AXDND1: variants seen among roughly 807,000 people sequenced by gnomAD.
AXDND1 encodes axonemal dynein light chain domain containing 1.
AXDND1 carries 110 observed loss-of-function variants against 137.5 expected under a neutral mutation model. The ratio of observed to expected loss-of-function variants is 0.80; its 90% CI spans 0.69 to 0.94. The LOEUF (loss-of-function observed/expected upper bound fraction) is 0.94. Among genes scored for constraint, AXDND1 ranks in the 40% least tolerant of loss-of-function variants. The probability of loss-of-function intolerance (pLI) is 0.00; values close to 1 mark genes in which losing one functional copy is unlikely to be tolerated. For missense variants in AXDND1, 1,191 were observed against 1,169.8 expected, an observed-to-expected ratio of 1.02 and a Z score of -0.26; for synonymous variants, 414 against 399.7, an observed-to-expected ratio of 1.04 and a Z score of -0.43.
intron 11 of AXDND1, among the ~76,000 whole-genome samples, chr1:179,401,460 AATTG>A (rs1364420895): frequency 7.9e-5 from 12 of 152,276 alleles, no homozygotes; most frequent in Non-Finnish European, 1.2e-4. Context: ...CTTTCTAAAA[AATTG>A]ATTGAAGAGT....
Position 179,372,401 on chromosome 1 carries a change from C to T in AXDND1, c.374+2323C>T, listed in dbSNP as rs569534362. On this transcript the variant is annotated intron_variant, in intron 4 of 25. Transcript: ENST00000367618. ...TCCCAGAACAGGGTGACATTGACATCTTCAGATAAAAGACATGTTTATAGA... is the reference window on the plus strand; with the variant it reads ...TCCCAGAACAGGGTGACATTGACATTTTCAGATAAAAGACATGTTTATAGA... Among the ~76,000 whole-genome samples, 43 of 152,122 alleles carry T rather than the reference C, an allele frequency of 2.8e-4. 1 individual carries two copies. Among genetic ancestry groups the T allele is most frequent in the Non-Finnish European group, 1.0e-4 (7 of 68,030 alleles).
intron 17 of AXDND1, among the ~76,000 whole-genome samples, chr1:179,475,726 C>T (rs1664532515): frequency 1.3e-5 from 2 of 152,084 alleles, no homozygotes; most frequent in Non-Finnish European, 2.9e-5. Context: ...TGAGTTTAGA[C>T]TTTGGGGGAC....
chr1:179,515,538 T>C (rs977230261), intron 21 of AXDND1, among the ~76,000 whole-genome samples: 2 of 152,188 alleles, frequency 1.3e-5, no homozygotes, highest in African/African-American at 4.8e-5. Flanking sequence ...GATAACCTGA[T>C]GACAACGTGC....
intron 21 of AXDND1, among the ~76,000 whole-genome samples, chr1:179,514,257 T>C (rs1189480317): frequency 6.6e-6 from 1 of 152,164 alleles, no homozygotes; most frequent in Non-Finnish European, 1.5e-5. Context: ...CCAGAGGTTT[T>C]GATAGGTAGT....
intron 16 of AXDND1, chr1:179,452,636 C>T (rs1405346206): frequency 3.6e-5 from 5 of 137,198 alleles, no homozygotes; most frequent in Non-Finnish European, 4.5e-5. Context: ...TGCAGTGAGC[C>T]GAGATTGCGC....
At chr1:179,425,410 A>C (rs1656399027) in intron 12 of AXDND1, among the ~76,000 whole-genome samples, 1 of 152,192 alleles carries the variant, frequency 6.6e-6, no homozygotes, top group African/African-American at 2.4e-5. Flanking sequence ...CCTCTCTCAC[A>C]TGGAGTCTCC....
chr1:179,488,449 A>T (rs1208971795), intron 18 of AXDND1, among the ~76,000 whole-genome samples: 1 of 148,030 alleles, frequency 6.8e-6, no homozygotes. Flanking sequence ...TGGTTTTTAT[A>T]GAGATGGGGT....
chr1:179,411,087 A>G (rs1217282871), intron 11 of AXDND1, 59 bp from the exon 12 acceptor site: 17 of 1,332,900 alleles, frequency 1.3e-5, no homozygotes, highest in Non-Finnish European at 1.1e-5. Flanking sequence ...TTTAAAAAAT[A>G]TATGTGTCTA....
In AXDND1 at chr1:179,374,698, C is replaced by T. The variant is rs1039669183; in HGVS notation, c.375-3939C>T. ...TAGGGACATGGATGAAGCTGGAAAC[C>T]GTCATTCTGAGCAAACTATCACAAG... On this transcript the variant is annotated intron_variant, in intron 4 of 25. Coordinates refer to ENST00000367618, the MANE Select transcript of AXDND1 (RefSeq NM_144696.6). Among the ~76,000 whole-genome samples the T allele has an allele frequency of 6.6e-5, 10 of 151,950 alleles. 1 individual carries two copies. The highest frequency in any genetic ancestry group is 1.3e-4 in the Admixed American group (2 of 15,236).
Position 179,368,958 on chromosome 1 carries a change from A to C in AXDND1, c.256A>C (p.Ile86Leu). ...CPENLLPPKK[I>L]KTPKGTLPRL... Reference sequence around the variant, plus strand: ...TGAAAACTTACTACCTCCTAAGAAAATTAAAACCCCAAAGGTTTGTATGTA... The same window carrying C: ...TGAAAACTTACTACCTCCTAAGAAACTTAAAACCCCAAAGGTTTGTATGTA... Residue 86 changes from isoleucine (I) to leucine (L), a missense_variant, in exon 3 of 26, where the codon ATT (isoleucine) becomes CTT (leucine). Ile to Leu is a conservative substitution (Grantham distance 5, BLOSUM62 2). Coordinates refer to ENST00000367618, the MANE Select transcript of AXDND1 (RefSeq NM_144696.6). 2 of 1,611,884 alleles carry C rather than the reference A, an allele frequency of 1.2e-6. No individual in the cohort carries two copies. Among genetic ancestry groups the C allele is most frequent in the Non-Finnish European group, 1.7e-6 (2 of 1,178,862 alleles).
At chr1:179,371,423 C>T (rs1668024934) in intron 4 of AXDND1, among the ~76,000 whole-genome samples, 2 of 152,074 alleles carry the variant, frequency 1.3e-5, no homozygotes, top group African/African-American at 4.8e-5. Context: ...GCGAGACTCC[C>T]TCTCAAAACA....
At chr1:179,464,442 C>A (rs1407820429) in intron 16 of AXDND1, among the ~76,000 whole-genome samples, 1 of 152,062 alleles carries the variant, frequency 6.6e-6, no homozygotes, top group East Asian at 1.9e-4. Flanking sequence ...GAATATTGGC[C>A]CCCACTCTCT....
At chr1:179,373,162 G>T (rs1031789697) in intron 4 of AXDND1, among the ~76,000 whole-genome samples, 1 of 152,014 alleles carries the variant, frequency 6.6e-6, no homozygotes, top group Admixed American at 6.6e-5. Context: ...ACAATACCCA[G>T]TACTTTAATA....
chr1:179,469,525 A>G (rs530353614), intron 17 of AXDND1, among the ~76,000 whole-genome samples: 2 of 152,238 alleles, frequency 1.3e-5, no homozygotes, highest in East Asian at 1.9e-4. Flanking sequence ...CTTTGGGTAT[A>G]TATCACCTAA....
At chr1:179,502,022 A>C (rs960029318) in intron 20 of AXDND1, among the ~76,000 whole-genome samples, 1 of 152,208 alleles carries the variant, frequency 6.6e-6, no homozygotes, top group Admixed American at 6.5e-5. Context: ...ACAATCCACA[A>C]AATGGGAGAC....
chr1:179,531,062 TG>T (rs983705682), intron 23 of AXDND1, among the ~76,000 whole-genome samples: 1 of 152,094 alleles, frequency 6.6e-6, no homozygotes, highest in African/African-American at 2.4e-5. Flanking sequence ...GGCCAGGGTA[TG>T]GGTGTTGCTT....
intron 20 of AXDND1, 22 bp from the exon 21 acceptor site, chr1:179,509,274 G>T (rs773791952): frequency 7.2e-6 from 11 of 1,525,012 alleles, no homozygotes; most frequent in Non-Finnish European, 9.9e-6. Context: ...TTTTCTGCTT[G>T]TAATCTTTTA....
chr1:179,486,586 G>A (rs1666113915), intron 18 of AXDND1, among the ~76,000 whole-genome samples: 1 of 148,640 alleles, frequency 6.7e-6, no homozygotes, highest in South Asian at 2.1e-4. Flanking sequence ...GAGAGAAGGG[G>A]CAGGTCACCT....
At chr1:179,374,734 C>T (rs1571528034) in intron 4 of AXDND1, among the ~76,000 whole-genome samples, 1 of 149,208 alleles carries the variant, frequency 6.7e-6, no homozygotes, top group Admixed American at 6.9e-5. Flanking sequence ...GACAGAAAAC[C>T]AAATACTGCA....
Sources: gnomAD v4.1 joint callset for allele counts (sites outside exome capture counted in the v4.1 genomes callset) on GRCh38, gnomAD v4.1.1 for gene constraint, MANE v1.5 for transcripts, NCBI Gene and HGNC (gene_info 2026-07-23, HGNC 2026-07-21) for gene names.